KYNU: variants seen among roughly 807,000 people sequenced by gnomAD.
KYNU encodes the protein kynureninase, also known as L-kynurenine hydrolase.
In KYNU, 54 loss-of-function variants were observed where a neutral mutation model predicts 59.2. That is an observed-to-expected ratio of 0.91 (90% CI 0.73 to 1.14). The LOEUF is 1.14. Among genes scored for constraint, KYNU ranks in the 50% most tolerant of loss-of-function variants. The pLI is 0.00. For synonymous variants in KYNU, 177 were observed against 192.0 expected (o/e 0.92, Z 0.65); for missense variants, 567 against 554.4 (o/e 1.02, Z -0.23).
intron 10 of KYNU, among the ~76,000 whole-genome samples, chr2:143,003,208 G>A (rs1685761409): frequency 6.6e-6 from 1 of 152,060 alleles, no homozygotes; most frequent in South Asian, 2.1e-4. Flanking sequence ...ATATAGCTCA[G>A]TTATCTGTTC....
chr2:142,985,878 A>G (rs942921089), intron 9 of KYNU, 70 bp from the exon 10 acceptor site: 1 of 1,031,190 alleles, frequency 9.7e-7, no homozygotes, highest in Non-Finnish European at 1.5e-6. Context: ...AAAAAATTCA[A>G]ATGACTACAT....
chr2:142,913,631 G>A (rs1297073288), intron 2 of KYNU, among the ~76,000 whole-genome samples: 2 of 152,154 alleles, frequency 1.3e-5, no homozygotes, highest in Non-Finnish European at 2.9e-5. Context: ...CAATCATAGA[G>A]TATGTTCTGT....
At chr2:142,982,080 G>T (rs899468108) in intron 8 of KYNU, among the ~76,000 whole-genome samples, 1 of 152,106 alleles carries the variant, frequency 6.6e-6, no homozygotes, top group African/African-American at 2.4e-5. Flanking sequence ...CTTAGGAAGT[G>T]TTAGAACACT....
At chr2:142,966,184 T>C (rs543448568) in intron 8 of KYNU, among the ~76,000 whole-genome samples, 7 of 152,192 alleles carry the variant, frequency 4.6e-5, no homozygotes, top group African/African-American at 1.4e-4. Context: ...GAACTCTTGA[T>C]GTGTTAGGTA....
chr2:142,911,119 T>A (rs569295299), intron 2 of KYNU, among the ~76,000 whole-genome samples: 2 of 152,210 alleles, frequency 1.3e-5, no homozygotes, highest in African/African-American at 4.8e-5. Flanking sequence ...GGTAGTTTGA[T>A]AGGAATAGCT....
At chr2:142,937,564 C>T (rs940746080) in intron 4 of KYNU, among the ~76,000 whole-genome samples, 3 of 152,164 alleles carry the variant, frequency 2.0e-5, no homozygotes, top group Non-Finnish European at 4.4e-5. Context: ...GTCAGGCAGC[C>T]TCTCAAGCCA....
intron 8 of KYNU, among the ~76,000 whole-genome samples, chr2:142,969,780 A>G (rs190784022): frequency 2.0e-5 from 3 of 152,286 alleles, no homozygotes; most frequent in Admixed American, 6.5e-5. Context: ...AGCCTCATTC[A>G]TTGGCATAAC....
chr2:142,948,793 C>T (rs912733711), intron 4 of KYNU, among the ~76,000 whole-genome samples: 6 of 152,218 alleles, frequency 3.9e-5, no homozygotes, highest in African/African-American at 1.4e-4. Flanking sequence ...CTCATGTCCT[C>T]ACATTTCAAA....
chr2:142,959,206 A>G (rs960253679), intron 7 of KYNU, among the ~76,000 whole-genome samples: 2 of 152,144 alleles, frequency 1.3e-5, no homozygotes, highest in Non-Finnish European at 2.9e-5. Context: ...TTAAAAGTAA[A>G]CTATAGGATA....
intron 10 of KYNU, among the ~76,000 whole-genome samples, chr2:142,998,692 G>C (rs1235777623): frequency 6.6e-6 from 1 of 152,060 alleles, no homozygotes; most frequent in Non-Finnish European, 1.5e-5. Flanking sequence ...GTTTGAGGGA[G>C]TGGACATTGT....
At chr2:143,006,481 G>A (rs1417817787) in intron 10 of KYNU, among the ~76,000 whole-genome samples, 2 of 138,166 alleles carry the variant, frequency 1.4e-5, no homozygotes, top group Admixed American at 1.4e-4. Flanking sequence ...GCTGGGGGAG[G>A]GGCGCCCGCC....
At chr2:143,021,333 A>G (rs1210142243) in intron 10 of KYNU, among the ~76,000 whole-genome samples, 1 of 152,098 alleles carries the variant, frequency 6.6e-6, no homozygotes, top group African/African-American at 2.4e-5. Context: ...GAGATTTCTT[A>G]ATATTATTTG....
intron 10 of KYNU, among the ~76,000 whole-genome samples, chr2:143,019,128 A>G (rs1686339278): frequency 6.6e-6 from 1 of 151,930 alleles, no homozygotes; most frequent in African/African-American, 2.4e-5. Flanking sequence ...ATTTTTATTT[A>G]TTTCTCTTGC....
chr2:142,930,945 C>T (rs1168559265), intron 4 of KYNU, among the ~76,000 whole-genome samples: 1 of 152,048 alleles, frequency 6.6e-6, no homozygotes, highest in East Asian at 1.9e-4. Flanking sequence ...CGGGCTGAGG[C>T]CTAAAATGGC....
intron 10 of KYNU, 77 bp downstream of exon 10, chr2:142,986,098 T>C: frequency 2.1e-6 from 2 of 956,784 alleles, no homozygotes; most frequent in African/African-American, 1.6e-5. Context: ...TTTACATGAG[T>C]TCCTTAAGAT....
At chr2:142,954,686 C>A in intron 4 of KYNU, 124 bp from the exon 5 acceptor site, 1 of 648,040 alleles carries the variant, frequency 1.5e-6, no homozygotes, top group Non-Finnish European at 2.8e-6. Context: ...TTTGTGATGA[C>A]ACATCAAATA....
chr2:143,051,002 G>A lies in KYNU; in HGVS notation c.*8830G>A, dbSNP rs1039076137. On this transcript the variant is annotated 3_prime_UTR_variant, in exon 14 of 14. Coordinates refer to ENST00000264170, the MANE Select transcript of KYNU (RefSeq NM_003937.3). ...TCTGTGGGCCATTAGCATGTGCACT[G>A]TGTGTATGATATGCTCTATGTTCTC... 6.6e-6 allele frequency: 1 copy of A among 152,190 alleles called. No homozygotes were observed. The highest frequency in any genetic ancestry group is 1.5e-5 in the Non-Finnish European group (1 of 68,028). The allele number at this position is 152,190 out of a possible 1,614,324, so 9.4% of individuals were successfully genotyped here. A position where few individuals can be genotyped will look rare whatever the true frequency, so the allele number is the denominator to read the frequency against.
At chr2:143,003,393 G>A (rs996111915) in intron 10 of KYNU, among the ~76,000 whole-genome samples, 2 of 152,064 alleles carry the variant, frequency 1.3e-5, no homozygotes, top group Middle Eastern at 3.4e-3. Context: ...GTGAAACCCC[G>A]TCTCTACTAA....
rs957910352 is a variant in KYNU at position 143,043,747 on chromosome 2, C to A, written c.*1575C>A. On this transcript the variant is annotated 3_prime_UTR_variant, in exon 14 of 14. Coordinates refer to ENST00000264170, the MANE Select transcript of KYNU (RefSeq NM_003937.3). ...ATAAAAATATATATAAATATATATA[C>A]TTTATATATATTTATATTTATATAT... The A allele has an allele frequency of 6.9e-4, 99 of 142,578 alleles. No individual in the cohort carries two copies. Among genetic ancestry groups the A allele is most frequent in the African/African-American group, 2.5e-3 (97 of 39,016 alleles). 8.8% of individuals were successfully genotyped at this position (142,578 alleles called of 1,614,324 possible).
Sources: gnomAD v4.1 joint callset for allele counts (sites outside exome capture counted in the v4.1 genomes callset) on GRCh38, gnomAD v4.1.1 for gene constraint, MANE v1.5 for transcripts, NCBI Gene and HGNC (gene_info 2026-07-23, HGNC 2026-07-21) for gene names.